The following SHB variants were observed in gnomAD, a reference collection of about 807,000 sequenced individuals.
The protein encoded by SHB is SH2 domain-containing adapter protein B.
Under a neutral mutation model 52.3 loss-of-function variants are expected in SHB, and 20 were observed. That is an observed-to-expected ratio of 0.38 (90% confidence interval 0.27 to 0.56). The LOEUF is 0.56. Among genes scored for constraint, SHB ranks in the 20% least tolerant of loss-of-function variants. The pLI, the probability that SHB is intolerant of heterozygous loss-of-function variation, is 0.71. For synonymous variants in SHB, 397 were observed against 316.5 expected (o/e 1.25, Z -2.70); for missense variants, 825 against 723.3 (o/e 1.14, Z -1.61).
chr9:38,058,175 GC>G (rs1411857795), intron 1 of SHB, among the ~76,000 whole-genome samples: 1 of 152,190 alleles, frequency 6.6e-6, no homozygotes, highest in African/African-American at 2.4e-5. Flanking sequence ...TGTCTTGGAT[GC>G]CCCATCCACA....
intron 2 of SHB, among the ~76,000 whole-genome samples, chr9:38,003,223 G>A (rs1432994210): frequency 6.6e-6 from 1 of 152,036 alleles, no homozygotes; most frequent in Non-Finnish European, 1.5e-5. Flanking sequence ...AAGGCATAGG[G>A]ACCTGCCCCA....
intron 5 of SHB, among the ~76,000 whole-genome samples, chr9:37,937,868 C>T (rs1832391798): frequency 1.3e-5 from 2 of 152,274 alleles, no homozygotes; most frequent in Admixed American, 1.3e-4. Context: ...CAGAGGACCT[C>T]AGGAAGGTCC....
At chr9:37,928,175 G>A (rs922644562) in intron 5 of SHB, among the ~76,000 whole-genome samples, 1 of 152,236 alleles carries the variant, frequency 6.6e-6, no homozygotes, top group Non-Finnish European at 1.5e-5. Context: ...GAGTTCTCAA[G>A]TCAGTGACGG....
At chr9:38,039,614 C>T (rs1337522758) in intron 1 of SHB, among the ~76,000 whole-genome samples, 1 of 152,272 alleles carries the variant, frequency 6.6e-6, no homozygotes, top group Non-Finnish European at 1.5e-5. Flanking sequence ...GACAAGGTCC[C>T]GTTGTAATCC....
In SHB at chr9:37,986,496, T is replaced by C. The variant is rs546819048; in HGVS notation, c.839-11659A>G. Among the ~76,000 whole-genome samples the C allele has an allele frequency of 1.6e-4, 24 of 152,230 alleles. No individual in the cohort carries two copies. In the East Asian group the frequency reaches 2.7e-3, roughly 17 times the overall value. On this transcript the variant is annotated intron_variant, in intron 2 of 5. Coordinates refer to ENST00000377707, the MANE Select transcript of SHB (RefSeq NM_003028.3). ...GGGAAAGGTGGACCAGGAGCCTTCA[T>C]TGGGTTTGTGCTTCACATACACAAA...
At chr9:38,045,296 G>T (rs988414250) in intron 1 of SHB, among the ~76,000 whole-genome samples, 1 of 152,124 alleles carries the variant, frequency 6.6e-6, no homozygotes, top group South Asian at 2.1e-4. Context: ...TTTTCTTCTA[G>T]TAACATTTGT....
intron 1 of SHB, among the ~76,000 whole-genome samples, chr9:38,020,028 C>A (rs904548902): frequency 6.6e-6 from 1 of 152,128 alleles, no homozygotes; most frequent in African/African-American, 2.4e-5. Flanking sequence ...AAAACAGAAA[C>A]CTGTATCTCT....
intron 2 of SHB, among the ~76,000 whole-genome samples, chr9:38,004,512 C>T (rs2381774): frequency 0.92 from 139,899 of 152,182 alleles, 64,380 homozygotes; most frequent in East Asian, 1. Flanking sequence ...GTGTTCTGAA[C>T]TGGGCAGCAA....
chr9:38,026,129 C>T (rs1464635446), intron 1 of SHB, among the ~76,000 whole-genome samples: 6 of 152,234 alleles, frequency 3.9e-5, no homozygotes, highest in Non-Finnish European at 8.8e-5. Context: ...AGAATAACTT[C>T]CAGTGTGCTC....
At chr9:37,958,615 A>G (rs920834314) in intron 3 of SHB, among the ~76,000 whole-genome samples, 2 of 152,172 alleles carry the variant, frequency 1.3e-5, no homozygotes, top group African/African-American at 2.4e-5. Flanking sequence ...ACAGACAGCA[A>G]TGACCTCAAG....
At chr9:37,977,505 C>A (rs1333171236) in intron 2 of SHB, among the ~76,000 whole-genome samples, 1 of 152,166 alleles carries the variant, frequency 6.6e-6, no homozygotes, top group Admixed American at 6.5e-5. Context: ...TTTATTGGGT[C>A]CCATGAGTAA....
At chr9:37,944,255 C>A (rs1366700568) in intron 5 of SHB, among the ~76,000 whole-genome samples, 1 of 152,172 alleles carries the variant, frequency 6.6e-6, no homozygotes, top group Non-Finnish European at 1.5e-5. Flanking sequence ...ACTGCAAGTG[C>A]AGAAAGTTGG....
At chr9:38,053,027 T>G (rs1480080757) in intron 1 of SHB, among the ~76,000 whole-genome samples, 1 of 152,140 alleles carries the variant, frequency 6.6e-6, no homozygotes, top group Non-Finnish European at 1.5e-5. Context: ...TTATCGACAG[T>G]AGAGACCTGT....
At chr9:37,979,128 C>T (rs187844488) in intron 2 of SHB, among the ~76,000 whole-genome samples, 2 of 152,178 alleles carry the variant, frequency 1.3e-5, no homozygotes, top group South Asian at 2.1e-4. Flanking sequence ...GTCCAGAGAC[C>T]GATCTCACAA....
In SHB at chr9:38,068,266, G is replaced by C. The variant is rs530632042; in HGVS notation, c.380C>G (p.Ala127Gly). The stretch of plus-strand genomic sequence containing the variant: ...GCCCGACGCGGACGAGGCCGAGAAG[G>C]CGCGCTGGACCCCGCCTGGCTCCCC... The part of the protein sequence containing the change: ...GSGEPGGVQR[A>G]FSASSASGAA... The change falls in exon 1 of 6, where the codon GCC (alanine) becomes GGC (glycine). Residue 127 changes from alanine to glycine, a missense_variant. Physicochemically the swap from Ala to Gly is moderately conservative, Grantham distance 60 (BLOSUM62 0). Transcript: ENST00000377707. The C allele has an allele frequency of 2.1e-5, 30 of 1,453,470 alleles. No homozygotes were observed. Among genetic ancestry groups the C allele is most frequent in the Non-Finnish European group, 2.6e-5 (29 of 1,111,526 alleles). 90.0% of individuals were successfully genotyped at this position (1,453,470 alleles called of 1,614,324 possible). A position where few individuals can be genotyped will look rare whatever the true frequency, so the allele number is the denominator to read the frequency against.
chr9:37,920,051 G>C (rs761389714), intron 5 of SHB, 47 bp from the exon 6 acceptor site: 55 of 1,497,924 alleles, frequency 3.7e-5, no homozygotes, highest in Non-Finnish European at 5.1e-5. Flanking sequence ...CTGACACTCA[G>C]GCTGAGGCCA....
intron 1 of SHB, among the ~76,000 whole-genome samples, chr9:38,033,966 G>A (rs987157390): frequency 6.6e-6 from 1 of 152,184 alleles, no homozygotes; most frequent in Non-Finnish European, 1.5e-5. Flanking sequence ...CACTTAACAG[G>A]TGAAACGGGT....
At chr9:38,024,448 A>C (rs917336409) in intron 1 of SHB, among the ~76,000 whole-genome samples, 11 of 151,962 alleles carry the variant, frequency 7.2e-5, no homozygotes, top group Non-Finnish European at 1.3e-4. Context: ...TTGCCTAGAC[A>C]CCTGCAGGCT....
chr9:38,068,647 G>A lies in SHB; in HGVS notation c.-2C>T. 5.6e-6 allele frequency: 8 copies of A among 1,422,596 alleles called. No individual in the cohort carries two copies. The highest frequency in any genetic ancestry group is 7.3e-6 in the Non-Finnish European group (8 of 1,096,626). 88.1% of individuals were successfully genotyped at this position (1,422,596 alleles called of 1,614,324 possible). A position where few individuals can be genotyped will look rare whatever the true frequency, so the allele number is the denominator to read the frequency against. The stretch of plus-strand genomic sequence containing the variant: ...GTACTTGTTTAGCCACTTGGCCATG[G>A]CGAGAGGCCGCCTAGGGCCGCGGCG... On this transcript the variant is annotated 5_prime_UTR_variant, in exon 1 of 6. Transcript: ENST00000377707.
Sources: gnomAD v4.1 joint callset for allele counts (sites outside exome capture counted in the v4.1 genomes callset) on GRCh38, gnomAD v4.1.1 for gene constraint, MANE v1.5 for transcripts, NCBI Gene and HGNC (gene_info 2026-07-23, HGNC 2026-07-21) for gene names.